Variants in CCDC178 observed in about 807,000 individuals in gnomAD.
CCDC178 encodes the protein coiled-coil domain containing 178.
Under a neutral mutation model 117.4 loss-of-function variants are expected in CCDC178, and 126 were observed. That is an observed-to-expected ratio of 1.07 (90% confidence interval 0.93 to 1.24). The LOEUF (loss-of-function observed/expected upper bound fraction) is 1.24. Among genes scored for constraint, CCDC178 ranks in the 50% most tolerant of loss-of-function variants. The pLI, the probability that CCDC178 is intolerant of heterozygous loss-of-function variation, is 0.00. For missense variants in CCDC178, 1,030 were observed against 986.9 expected, an observed-to-expected ratio of 1.04 and a Z score of -0.59; for synonymous variants, 283 against 313.4, an observed-to-expected ratio of 0.90 and a Z score of 1.02.
At chr18:33,347,850 A>C (rs371568673) in intron 8 of CCDC178, among the ~76,000 whole-genome samples, 83 of 152,158 alleles carry the variant, frequency 5.5e-4, no homozygotes, top group African/African-American at 1.9e-3. Flanking sequence ...CATTGTATTT[A>C]ACATCTCATT....
At chr18:33,420,961 G>A (rs1016948920) in intron 2 of CCDC178, among the ~76,000 whole-genome samples, 1 of 152,058 alleles carries the variant, frequency 6.6e-6, no homozygotes, top group Non-Finnish European at 1.5e-5. Context: ...CAATGATTTT[G>A]AATATAAACA....
At chr18:33,102,734 A>G (rs2057649099) in intron 20 of CCDC178, among the ~76,000 whole-genome samples, 1 of 151,738 alleles carries the variant, frequency 6.6e-6, no homozygotes, top group African/African-American at 2.4e-5. Flanking sequence ...TCTACAGATA[A>G]CCATTTCGGG....
intron 20 of CCDC178, among the ~76,000 whole-genome samples, chr18:33,109,047 T>A (rs972189262): frequency 7.3e-5 from 11 of 151,654 alleles, no homozygotes; most frequent in Non-Finnish European, 1.5e-4. Context: ...TGCTCTTCAT[T>A]AAAGCATAAC....
chr18:33,409,686 A>C (rs920845676), intron 3 of CCDC178, among the ~76,000 whole-genome samples: 2 of 152,152 alleles, frequency 1.3e-5, no homozygotes, highest in Non-Finnish European at 2.9e-5. Context: ...AGAAATTTCA[A>C]TGCTTTTCTG....
chr18:33,215,486 A>C lies in CCDC178; in HGVS notation c.2078+64T>G, dbSNP rs934416946. On this transcript the variant is annotated intron_variant, in intron 19 of 22. Transcript: ENST00000383096. ...TTTAAGAATGCATTTTAAATATGGA[A>C]ATTTGATCTTATTTATTAATATTTT... 14 of 920,622 alleles carry C rather than the reference A, an allele frequency of 1.5e-5. No homozygotes were observed. The African/African-American group carries it at 2.3e-4, about 15-fold the overall frequency. The allele number at this position is 920,622 out of a possible 1,614,324, so 57.0% of individuals were successfully genotyped here. A position where few individuals can be genotyped will look rare whatever the true frequency, so the allele number is the denominator to read the frequency against.
At chr18:33,178,420 T>A (rs2058689393) in intron 20 of CCDC178, among the ~76,000 whole-genome samples, 1 of 152,122 alleles carries the variant, frequency 6.6e-6, no homozygotes, top group African/African-American at 2.4e-5. Flanking sequence ...CGTAAGAATC[T>A]CCCATCTGTA....
At chr18:33,232,197 T>C (rs1180582584) in intron 15 of CCDC178, among the ~76,000 whole-genome samples, 1 of 152,144 alleles carries the variant, frequency 6.6e-6, no homozygotes, top group African/African-American at 2.4e-5. Flanking sequence ...AGCCTGGTTT[T>C]AGCAGTCACA....
At chr18:33,264,439 A>G (rs922640755) in intron 14 of CCDC178, among the ~76,000 whole-genome samples, 1 of 151,942 alleles carries the variant, frequency 6.6e-6, no homozygotes, top group Non-Finnish European at 1.5e-5. Flanking sequence ...CTTTCACTTT[A>G]TTTTACTGAT....
At chr18:33,411,301 A>C (rs1179626527) in intron 3 of CCDC178, among the ~76,000 whole-genome samples, 1 of 152,134 alleles carries the variant, frequency 6.6e-6, no homozygotes, top group Non-Finnish European at 1.5e-5. Context: ...CAGATAGTAA[A>C]AATTTTAGAT....
intron 22 of CCDC178, chr18:32,958,136 A>G: frequency 2.0e-6 from 1 of 492,224 alleles, no homozygotes; most frequent in South Asian, 2.6e-5. Context: ...GATGAGAAAT[A>G]AAACACAGAC....
intron 2 of CCDC178, among the ~76,000 whole-genome samples, chr18:33,415,164 C>G (rs577772508): frequency 3.9e-5 from 6 of 152,308 alleles, no homozygotes; most frequent in Admixed American, 1.3e-4. Flanking sequence ...GGATCTAGAA[C>G]TGGAAATACC....
At chr18:33,065,233 T>C (rs1474604071) in intron 21 of CCDC178, among the ~76,000 whole-genome samples, 2 of 152,140 alleles carry the variant, frequency 1.3e-5, no homozygotes, top group African/African-American at 2.4e-5. Flanking sequence ...TACTACAAAA[T>C]AGCTAGATGC....
intron 20 of CCDC178, among the ~76,000 whole-genome samples, chr18:33,184,905 A>ATC (rs1321448703): frequency 1.3e-5 from 2 of 152,064 alleles, no homozygotes; most frequent in East Asian, 3.9e-4. Context: ...ACTTATTGAA[A>ATC]TCAGGTCACT....
chr18:33,158,862 A>T (rs1234548320), intron 20 of CCDC178, among the ~76,000 whole-genome samples: 1 of 152,108 alleles, frequency 6.6e-6, no homozygotes, highest in African/African-American at 2.4e-5. Flanking sequence ...TAAAACTTGT[A>T]TTTATGGAAG....
chr18:33,232,877 A>C (rs1268698081), intron 15 of CCDC178, among the ~76,000 whole-genome samples: 1 of 152,180 alleles, frequency 6.6e-6, no homozygotes, highest in Non-Finnish European at 1.5e-5. Context: ...AAGTCTCATT[A>C]ATTTTTAAAA....
At chr18:33,026,060 C>T (rs1033510585) in intron 21 of CCDC178, among the ~76,000 whole-genome samples, 1 of 152,046 alleles carries the variant, frequency 6.6e-6, no homozygotes, top group African/African-American at 2.4e-5. Context: ...ACTATTAATA[C>T]ATGTGTGCAT....
chr18:33,409,655 A>G (rs973769530), intron 3 of CCDC178, among the ~76,000 whole-genome samples: 8 of 152,294 alleles, frequency 5.3e-5, no homozygotes, highest in South Asian at 4.1e-4. Context: ...CAGGACTGAT[A>G]AATTCCTGTG....
At chr18:33,039,914 T>C (rs1019516305) in intron 21 of CCDC178, among the ~76,000 whole-genome samples, 4 of 151,854 alleles carry the variant, frequency 2.6e-5, no homozygotes, top group African/African-American at 9.7e-5. Context: ...TCCCACAGGA[T>C]CGACTACAAT....
intron 22 of CCDC178, among the ~76,000 whole-genome samples, chr18:32,940,191 A>G (rs1166135985): frequency 6.6e-6 from 1 of 152,058 alleles, no homozygotes; most frequent in Non-Finnish European, 1.5e-5. Flanking sequence ...CCAAGGTCAA[A>G]CCAAGCCCTG....
Sources: allele counts gnomAD v4.1 joint callset (sites outside exome capture counted in the v4.1 genomes callset), GRCh38; gene constraint gnomAD v4.1.1; transcripts MANE v1.5; gene names NCBI Gene and HGNC (gene_info 2026-07-23, HGNC 2026-07-21).